The following CSMD3 variants were observed in gnomAD, a reference collection of about 807,000 sequenced individuals.
CSMD3 encodes the protein CUB and Sushi multiple domains 3, also known as CUB and sushi domain-containing protein 3.
CSMD3 carries 177 observed loss-of-function variants against 435.2 expected under a neutral mutation model. The observed-to-expected ratio is 0.41, with a 90% confidence interval of 0.36 to 0.46. The LOEUF (loss-of-function observed/expected upper bound fraction) is 0.46. CSMD3 is among the 20% of genes least tolerant of loss of function. CSMD3 has a pLI of 0.34. For synonymous variants in CSMD3, 1,656 were observed against 1,520.5 expected (o/e 1.09, Z -2.07); for missense variants, 4,265 against 4,504.6 (o/e 0.95, Z 1.52).
intron 10 of CSMD3, among the ~76,000 whole-genome samples, chr8:112,913,588 T>C (rs1429343957): frequency 6.6e-6 from 1 of 151,892 alleles, no homozygotes; most frequent in Admixed American, 6.6e-5. Context: ...TGAGAGTAAA[T>C]TCATTGCAGG....
chr8:112,638,966 A>T, intron 20 of CSMD3, 55 bp from the exon 21 acceptor site: 5 of 1,220,518 alleles, frequency 4.1e-6, no homozygotes, highest in Non-Finnish European at 3.6e-6. Context: ...AAACACAGAG[A>T]GTTACTGTCA....
rs189230267 is a variant in CSMD3 at position 112,949,451 on chromosome 8, G to A, written c.1421-1574C>T. On this transcript the variant is annotated intron_variant, in intron 8 of 70. Transcript: ENST00000297405. ...TTACTTTTGCCGATTCTACTACAGC[G>A]GACAAATTGAAAGGCATTGGCTCAC... Among the ~76,000 whole-genome samples the A allele has an allele frequency of 1.2e-3, 179 of 151,844 alleles. 3 individuals are homozygous for A. In the South Asian group the frequency reaches 0.014, roughly 12 times the overall value.
intron 3 of CSMD3, among the ~76,000 whole-genome samples, chr8:113,260,737 C>A (rs117860097): frequency 0.03 from 4,507 of 152,182 alleles, 87 homozygotes; most frequent in Admixed American, 0.04. Flanking sequence ...TTAAGCCCCA[C>A]TCCATAGGCC....
At chr8:113,377,666 G>C (rs2094394621) in intron 1 of CSMD3, among the ~76,000 whole-genome samples, 1 of 152,106 alleles carries the variant, frequency 6.6e-6, no homozygotes, top group African/African-American at 2.4e-5. Context: ...TCTAATTTTA[G>C]CAAAGCACCA....
At chr8:112,770,593 G>A (rs2078088783) in intron 13 of CSMD3, among the ~76,000 whole-genome samples, 1 of 151,868 alleles carries the variant, frequency 6.6e-6, no homozygotes, top group Admixed American at 6.6e-5. Context: ...ATTGTAAAAT[G>A]TACTGAAAAT....
At chr8:112,560,356 CT>C (rs1828510419) in intron 24 of CSMD3, among the ~76,000 whole-genome samples, 1 of 151,450 alleles carries the variant, frequency 6.6e-6, no homozygotes, top group Non-Finnish European at 1.5e-5. Context: ...AAATTCTTTC[CT>C]TTTTTCCCCT....
intron 2 of CSMD3, among the ~76,000 whole-genome samples, chr8:113,305,099 A>G (rs2093808501): frequency 7.3e-6 from 1 of 137,080 alleles, no homozygotes; most frequent in Non-Finnish European, 1.5e-5. Flanking sequence ...GGAACTGAAC[A>G]GTGAGAACAC....
At chr8:112,797,017 G>A (rs570515299) in intron 13 of CSMD3, among the ~76,000 whole-genome samples, 2 of 152,008 alleles carry the variant, frequency 1.3e-5, no homozygotes, top group South Asian at 4.1e-4. Context: ...CTGTTTTCTT[G>A]ATTTGCAACA....
At chr8:112,518,345 T>G (rs1399279397) in intron 27 of CSMD3, among the ~76,000 whole-genome samples, 1 of 142,526 alleles carries the variant, frequency 7.0e-6, no homozygotes. Flanking sequence ...TAGAAAAAAT[T>G]AAAAAAAAAA....
chr8:112,846,214 C>CTTAAAAAAGATAATTCTTTTTTAACATG (rs571934248), intron 11 of CSMD3, among the ~76,000 whole-genome samples: 4,239 of 150,154 alleles, frequency 0.028, 96 homozygotes, highest in Middle Eastern at 0.048. Context: ...TAAAATTATT[C>CTTAAAAAAGATAATTCTTTTTTAACATG]TTAAAAAAGA....
chr8:113,099,517 G>C (rs1334453202), intron 4 of CSMD3, among the ~76,000 whole-genome samples: 2 of 152,110 alleles, frequency 1.3e-5, no homozygotes, highest in African/African-American at 2.4e-5. Flanking sequence ...AGGATATTTT[G>C]TTTACAGAGA....
At chr8:113,246,020 A>G (rs1047241493) in intron 3 of CSMD3, among the ~76,000 whole-genome samples, 1 of 151,832 alleles carries the variant, frequency 6.6e-6, no homozygotes, top group East Asian at 1.9e-4. Flanking sequence ...TTTTTCTTTT[A>G]CTGCTTTCAA....
chr8:112,249,499 A>G (rs1815070303), intron 63 of CSMD3, among the ~76,000 whole-genome samples: 3 of 152,074 alleles, frequency 2.0e-5, no homozygotes. Flanking sequence ...TACACAATAG[A>G]CAATTATAAT....
At chr8:112,335,540 A>T (rs62514406) in intron 44 of CSMD3, 66 bp from the exon 45 acceptor site, 314,582 of 1,403,160 alleles carry the variant, frequency 0.22, 37,697 homozygotes, top group Middle Eastern at 0.29. Context: ...TTTGAACCGT[A>T]TTTAATAAAA....
intron 63 of CSMD3, among the ~76,000 whole-genome samples, chr8:112,251,881 C>T (rs967680668): frequency 4.0e-5 from 6 of 151,764 alleles, no homozygotes; most frequent in Non-Finnish European, 7.4e-5. Context: ...CAGCTATTCT[C>T]TTCACTATCA....
chr8:113,256,646 T>G lies in CSMD3; in HGVS notation c.514+21946A>C, dbSNP rs574571708. ...TTTAGAGCAGATTTCTATTTCTAACTGTAAAAAATAACTGGCATCAAATTA... is the reference window on the plus strand; with the variant it reads ...TTTAGAGCAGATTTCTATTTCTAACGGTAAAAAATAACTGGCATCAAATTA... On this transcript the variant is annotated intron_variant, in intron 3 of 70. Coordinates refer to ENST00000297405, the MANE Select transcript of CSMD3 (RefSeq NM_198123.2). Among the ~76,000 whole-genome samples, 16 of 152,354 alleles carry G rather than the reference T, an allele frequency of 1.1e-4. No individual in the cohort carries two copies. In the South Asian group the frequency reaches 3.1e-3, roughly 30 times the overall value.
intron 2 of CSMD3, among the ~76,000 whole-genome samples, chr8:113,282,460 T>C (rs1179649252): frequency 6.6e-6 from 1 of 151,784 alleles, no homozygotes; most frequent in East Asian, 1.9e-4. Context: ...GAGAATCAAA[T>C]CAAGAACTCA....
In CSMD3 at chr8:112,966,567, C is replaced by A. The variant is rs535105849; in HGVS notation, c.1342+9270G>T. Among the ~76,000 whole-genome samples the A allele has an allele frequency of 2.0e-3, 300 of 151,244 alleles. 1 individual carries two copies. Among genetic ancestry groups the A allele is most frequent in the African/African-American group, 6.7e-3 (276 of 41,298 alleles). ...ACATGGTAAGTAAAGGGAAACTAAA[C>A]CCTGATGTATTTTTCTCTTTGTTAT... On this transcript the variant is annotated intron_variant, in intron 7 of 70. Coordinates refer to ENST00000297405, the MANE Select transcript of CSMD3 (RefSeq NM_198123.2).
intron 1 of CSMD3, among the ~76,000 whole-genome samples, chr8:113,387,015 G>A (rs1012203802): frequency 6.6e-6 from 1 of 151,662 alleles, no homozygotes; most frequent in South Asian, 2.1e-4. Flanking sequence ...TGATCTTTTT[G>A]AGCAAGAAAG....
Sources: allele counts gnomAD v4.1 joint callset (sites outside exome capture counted in the v4.1 genomes callset), GRCh38; gene constraint gnomAD v4.1.1; transcripts MANE v1.5; gene names NCBI Gene and HGNC (gene_info 2026-07-23, HGNC 2026-07-21).